The following NCS1 variants were observed in gnomAD, a reference collection of about 807,000 sequenced individuals.
NCS1 encodes the protein neuronal calcium sensor 1, also known as frequenin homolog.
NCS1 carries 6 observed loss-of-function variants against 28.4 expected under a neutral mutation model. That is an observed-to-expected ratio of 0.21 (90% confidence interval 0.12 to 0.42). NCS1 has a LOEUF of 0.42. NCS1 is among the 10% of genes least tolerant of loss of function. The pLI is 1.00. For missense variants in NCS1, 131 were observed against 241.4 expected, an observed-to-expected ratio of 0.54 and a Z score of 3.03; for synonymous variants, 86 against 99.3, an observed-to-expected ratio of 0.87 and a Z score of 0.79.
Position 130,236,903 on chromosome 9 carries a change from C to G in NCS1, c.*3931C>G, listed in dbSNP as rs7847694. ...GCAAGAGTCTCTGCTGGGCCTGCCT[C>G]GCAGGGGCCTGGTGAGACCCAAATG... On this transcript the variant is annotated 3_prime_UTR_variant, in exon 8 of 8. Transcript: ENST00000372398. The G allele has an allele frequency of 6.6e-6, 1 of 152,004 alleles. No homozygotes were observed. The highest frequency in any genetic ancestry group is 1.5e-5 in the Non-Finnish European group (1 of 68,032). 9.4% of individuals were successfully genotyped at this position (152,004 alleles called of 1,614,324 possible). A position where few individuals can be genotyped will look rare whatever the true frequency, so the allele number is the denominator to read the frequency against.
In NCS1 at chr9:130,177,491, C is replaced by T. The variant is rs1182364464; in HGVS notation, c.64+4764C>T. 1.3e-5 allele frequency among the ~76,000 whole-genome samples: 2 copies of T among 152,190 alleles called. No individual in the cohort carries two copies. The highest frequency in any genetic ancestry group is 2.4e-5 in the African/African-American group (1 of 41,454). On this transcript the variant is annotated intron_variant, in intron 1 of 7. Transcript: ENST00000372398. The surrounding 1 kb of genome is among the most constrained non-coding windows in gnomAD (Gnocchi z 4.4). ...ACCAAAGCAAGGGAGGGGCTTCGGC[C>T]GTCCCTGTACATCCCGTGTGCGTGG...
intron 2 of NCS1, among the ~76,000 whole-genome samples, chr9:130,204,088 G>T (rs982701495): frequency 1.3e-5 from 2 of 152,132 alleles, no homozygotes; most frequent in African/African-American, 4.8e-5. Context: ...TGCCTCCCGG[G>T]TTCATGCGAA....
rs147979489 is a variant in NCS1, at chr9:130,181,817, A to G, written c.64+9090A>G. The stretch of plus-strand genomic sequence containing the variant: ...CGTGGGCACGCTCCGAGCGTGAGTG[A>G]CGGGGTCATGGCGTGTGTCAGGAGT... On this transcript the variant is annotated intron_variant, in intron 1 of 7. Coordinates refer to ENST00000372398, the MANE Select transcript of NCS1 (RefSeq NM_014286.4). This position sits in a 1 kb window ranked among gnomAD's most constrained non-coding sequence, Gnocchi z 5.0. 7.1e-3 allele frequency among the ~76,000 whole-genome samples: 1,078 copies of G among 152,088 alleles called. 14 individuals carry two copies. Among genetic ancestry groups the G allele is most frequent in the African/African-American group, 0.024 (979 of 41,454 alleles).
intron 1 of NCS1, among the ~76,000 whole-genome samples, chr9:130,187,510 G>A (rs1453426169): frequency 6.6e-6 from 1 of 152,130 alleles, no homozygotes; most frequent in African/African-American, 2.4e-5. Flanking sequence ...AGTTGCCCTG[G>A]AACACATGTC....
chr9:130,214,794 G>A (rs558761667), intron 2 of NCS1, among the ~76,000 whole-genome samples: 2 of 152,274 alleles, frequency 1.3e-5, no homozygotes, highest in East Asian at 3.9e-4. Flanking sequence ...CACCTCATGG[G>A]GGGCTTCTTG....
At chr9:130,221,016 C>G (rs967434993) in intron 4 of NCS1, among the ~76,000 whole-genome samples, 3 of 151,886 alleles carry the variant, frequency 2.0e-5, no homozygotes, top group African/African-American at 7.3e-5. Flanking sequence ...TGCCCCATCC[C>G]TTTATTTTAT....
chr9:130,224,419 A>G lies in NCS1; in HGVS notation c.474+1260A>G, dbSNP rs561693084. ...AAAAAAAAAAAAAAATTATCCAGGC[A>G]TGATGGCACATGCCTGTAATCCCAG... is the stretch of plus-strand genomic sequence containing the variant. On this transcript the variant is annotated intron_variant, in intron 6 of 7. Transcript: ENST00000372398. Among the ~76,000 whole-genome samples the G allele has an allele frequency of 1.4e-3, 207 of 148,330 alleles. 1 individual carries two copies. Among genetic ancestry groups the G allele is most frequent in the Middle Eastern group, 0.01 (3 of 286 alleles).
chr9:130,198,198 G>A (rs975193198), intron 1 of NCS1, among the ~76,000 whole-genome samples: 1 of 152,198 alleles, frequency 6.6e-6, no homozygotes, highest in African/African-American at 2.4e-5. Context: ...CCAATGGGGG[G>A]AGCCCTAGTC....
In NCS1 at chr9:130,223,169, G is replaced by A. The variant is rs782416787; in HGVS notation, c.474+10G>A. ...TGCCATGATGGATAAGGTGAGGTGG[G>A]GGGGCGGGGCTGGTCCTGGACCAGG... On this transcript the variant is annotated intron_variant, in intron 6 of 7. Transcript: ENST00000372398. 6.3e-7 allele frequency: 1 copy of A among 1,596,738 alleles called. No individual in the cohort carries two copies. Among genetic ancestry groups the A allele is most frequent in the Non-Finnish European group, 8.6e-7 (1 of 1,164,366 alleles).
At chr9:130,187,049 C>T (rs1424894051) in intron 1 of NCS1, among the ~76,000 whole-genome samples, 1 of 151,944 alleles carries the variant, frequency 6.6e-6, no homozygotes, top group Non-Finnish European at 1.5e-5. Context: ...AGAGGCGGGG[C>T]GGGGGCGCGG....
Position 130,219,878 on chromosome 9 carries a change from C to T in NCS1, c.307+75C>T. ...TCAGAGGGAGGCAGCCCTCGGCCCT[C>T]ACCAGGCAGGGGTGCCAGACACCCA... On this transcript the variant is annotated intron_variant, in intron 4 of 7. Transcript: ENST00000372398. This position sits in a 1 kb window ranked among gnomAD's most constrained non-coding sequence, Gnocchi z 5.7. 6.7e-7 allele frequency: 1 copy of T among 1,485,322 alleles called. No homozygotes were observed. The highest frequency in any genetic ancestry group is 9.4e-7 in the Non-Finnish European group (1 of 1,066,180). 92.0% of individuals were successfully genotyped at this position (1,485,322 alleles called of 1,614,324 possible).
At chr9:130,172,771 A>G in intron 1 of NCS1, 44 bp downstream of exon 1, 1 of 758,234 alleles carries the variant, frequency 1.3e-6, no homozygotes, top group South Asian at 2.5e-5. Context: ...GGTCACCCCC[A>G]CACCCACCGC....
intron 6 of NCS1, among the ~76,000 whole-genome samples, chr9:130,223,720 C>T (rs1055125473): frequency 2.0e-5 from 3 of 152,052 alleles, no homozygotes; most frequent in Non-Finnish European, 4.4e-5. Context: ...TGGGGACCGT[C>T]GCCTAGGTTT....
chr9:130,219,922 G>T lies in NCS1; in HGVS notation c.307+119G>T. On this transcript the variant is annotated intron_variant, in intron 4 of 7. Coordinates refer to ENST00000372398, the MANE Select transcript of NCS1 (RefSeq NM_014286.4). This position sits in a 1 kb window ranked among gnomAD's most constrained non-coding sequence, Gnocchi z 5.7. ...ACACCCACTGCAGTGACCACAGATGGCGTCCCAGCTGTGTCTGCAGAGGGC... is the reference window on the plus strand; with the variant it reads ...ACACCCACTGCAGTGACCACAGATGTCGTCCCAGCTGTGTCTGCAGAGGGC... 1 of 1,097,068 alleles carries T rather than the reference G, an allele frequency of 9.1e-7. No homozygotes were observed. The highest frequency in any genetic ancestry group is 1.4e-6 in the Non-Finnish European group (1 of 731,120). 68.0% of individuals were successfully genotyped at this position (1,097,068 alleles called of 1,614,324 possible).
intron 1 of NCS1, among the ~76,000 whole-genome samples, chr9:130,187,296 C>T (rs1424195753): frequency 1.3e-5 from 2 of 152,160 alleles, no homozygotes; most frequent in Admixed American, 1.3e-4. Context: ...CCGTCGCTGC[C>T]ATCCCTGGGT....
intron 1 of NCS1, chr9:130,200,735 C>T (rs1405638119): frequency 2.1e-5 from 31 of 1,459,664 alleles, no homozygotes; most frequent in Middle Eastern, 1.9e-4. Context: ...ACTTGGGCAC[C>T]GGGAAGGGGT....
chr9:130,227,918 G>A (rs1833439374), intron 7 of NCS1, among the ~76,000 whole-genome samples: 1 of 152,170 alleles, frequency 6.6e-6, no homozygotes, highest in African/African-American at 2.4e-5. Context: ...CTCAGTCCCG[G>A]GAAAATTGGG....
At chr9:130,185,987 C>A (rs1465300827) in intron 1 of NCS1, among the ~76,000 whole-genome samples, 1 of 152,244 alleles carries the variant, frequency 6.6e-6, no homozygotes, top group Admixed American at 6.5e-5. Flanking sequence ...AGCTCAGGTT[C>A]TGTGGAGCTG....
At position 130,221,441 on chromosome 9, in the gene NCS1, G is replaced by GAA. The variant is rs1363312388; in HGVS notation, c.308-1208_308-1207insAA. ...AGAGAGAGAGAGAGAGAGAGAGAGA[G>GAA]AGAGAGAGAGAAAGAGAGAGTCTTG... On this transcript the variant is annotated intron_variant, in intron 4 of 7. Transcript: ENST00000372398. Among the ~76,000 whole-genome samples, 1,336 of 134,876 alleles carry GAA rather than the reference G, an allele frequency of 9.9e-3. 9 individuals carry two copies. Among genetic ancestry groups the GAA allele is most frequent in the Admixed American group, 0.017 (210 of 12,512 alleles). 88.5% of individuals were successfully genotyped at this position (134,876 alleles called of 152,430 possible).
Sources: gnomAD v4.1 joint callset for allele counts (sites outside exome capture counted in the v4.1 genomes callset) on GRCh38, gnomAD v4.1.1 for gene constraint, Gnocchi (gnomAD v3.1) non-coding constraint, MANE v1.5 for transcripts, NCBI Gene and HGNC (gene_info 2026-07-23, HGNC 2026-07-21) for gene names.